Variants in NPRL3 observed in about 807,000 individuals in gnomAD.
NPRL3 encodes GATOR1 complex protein NPRL3.
Under a neutral mutation model 57.2 loss-of-function variants are expected in NPRL3, and 23 were observed. The observed-to-expected ratio is 0.40, with a 90% CI of 0.29 to 0.57. The LOEUF (loss-of-function observed/expected upper bound fraction) is 0.57. NPRL3 is among the 20% of genes least tolerant of loss of function. NPRL3 has a pLI of 0.42. For synonymous variants in NPRL3, 333 were observed against 321.1 expected, an observed-to-expected ratio of 1.04 and a Z score of -0.39; for missense variants, 691 against 767.1, an observed-to-expected ratio of 0.90 and a Z score of 1.17.
At chr16:102,549 C>T (rs1008421749) in intron 7 of NPRL3, among the ~76,000 whole-genome samples, 4 of 152,246 alleles carry the variant, frequency 2.6e-5, no homozygotes, top group African/African-American at 9.6e-5. Flanking sequence ...CTCCCCGCAT[C>T]ATGTTTCCTC....
chr16:111,252 T>C (rs551450443), intron 6 of NPRL3, among the ~76,000 whole-genome samples: 32 of 151,718 alleles, frequency 2.1e-4, no homozygotes, highest in African/African-American at 7.0e-4. Flanking sequence ...TACAAAAAAT[T>C]AGCCGGGCGT....
At chr16:109,916 A>G (rs147115120) in intron 7 of NPRL3, among the ~76,000 whole-genome samples, 1,885 of 152,216 alleles carry the variant, frequency 0.012, 37 homozygotes, top group African/African-American at 0.043. Context: ...CCTTAAACAT[A>G]GGAGAGTGAT....
At chr16:106,390 T>C (rs1899528205) in intron 7 of NPRL3, among the ~76,000 whole-genome samples, 1 of 152,058 alleles carries the variant, frequency 6.6e-6, no homozygotes, top group Admixed American at 6.5e-5. Context: ...CCCAGCACTT[T>C]GGGAGGCTAA....
chr16:116,790 C>CG (rs1156955267), intron 5 of NPRL3, among the ~76,000 whole-genome samples: 1 of 141,426 alleles, frequency 7.1e-6, no homozygotes, highest in African/African-American at 2.6e-5. Flanking sequence ...TGGCGAGACC[C>CG]CCCCCCCCCA....
chr16:124,696 A>C (rs560416057), intron 3 of NPRL3, among the ~76,000 whole-genome samples: 4 of 152,344 alleles, frequency 2.6e-5, no homozygotes, highest in Non-Finnish European at 5.9e-5. Flanking sequence ...GGAGCAATAA[A>C]GTGGTCATGG....
intron 7 of NPRL3, among the ~76,000 whole-genome samples, chr16:100,773 GC>G (rs1899254218): frequency 4.1e-5 from 1 of 24,284 alleles, no homozygotes; most frequent in Non-Finnish European, 7.4e-5. Context: ...TTCGAGACCA[GC>G]CTGGCTAATA....
At chr16:112,560 T>C (rs1899861514) in intron 6 of NPRL3, 62 bp downstream of exon 6, 1 of 1,394,492 alleles carries the variant, frequency 7.2e-7, no homozygotes, top group South Asian at 1.7e-5. Flanking sequence ...CACAGAGGTC[T>C]GCGCTGCAGA....
In NPRL3 at chr16:94,061, C is replaced by T. The variant is rs1468777774; in HGVS notation, c.925-736G>A. Among the ~76,000 whole-genome samples the T allele has an allele frequency of 7.6e-5, 8 of 104,640 alleles. No homozygotes were observed. The South Asian group carries it at 1.5e-3, about 19-fold the overall frequency. The allele number at this position is 104,640 out of a possible 152,430, so 68.6% of individuals were successfully genotyped here. On this transcript the variant is annotated intron_variant, in intron 9 of 13. Transcript: ENST00000611875. ...GCAGGGGCACAGCCCTCTTATACCC[C>T]CTAAAACTCCAGCATGGCCTTGCCC...
chr16:131,922 T>C (rs1471893419), intron 2 of NPRL3, among the ~76,000 whole-genome samples: 1 of 152,204 alleles, frequency 6.6e-6, no homozygotes, highest in Non-Finnish European at 1.5e-5. Context: ...TTATATAATA[T>C]TCGAAATCTC....
rs746686232 is a variant in NPRL3, at chr16:85,541, C to T, written c.*1164G>A. The stretch of plus-strand genomic sequence containing the variant: ...CGAGCTCTGCAGTGGCCCCTCCAAG[C>T]TGTGCCAGGCCCTGGCCATCAACAA... On this transcript the variant is annotated 3_prime_UTR_variant, in exon 14 of 14. Coordinates refer to ENST00000611875, the MANE Select transcript of NPRL3 (RefSeq NM_001077350.3). 1.9e-6 allele frequency: 3 copies of T among 1,613,432 alleles called. No individual in the cohort carries two copies. The highest frequency in any genetic ancestry group is 2.5e-6 in the Non-Finnish European group (3 of 1,180,036).
chr16:88,720 C>T lies in NPRL3; in HGVS notation c.1522G>A (p.Glu508Lys). 1 of 1,612,258 alleles carries T rather than the reference C, an allele frequency of 6.2e-7. No individual in the cohort carries two copies. ...CACCTGGCAAACATGCGGAGGTCCT[C>T]AGGGTTCTGGGCTGCGGGTACACTG... is the stretch of plus-strand genomic sequence containing the variant. ...ILSVPAAQNP[E>K]DLRMFARLLH... Residue 508 changes from glutamate to lysine, a missense_variant, in exon 13 of 14, where the codon GAG becomes AAG. Physicochemically the swap from Glu to Lys is moderately conservative, Grantham distance 56. Coordinates refer to ENST00000611875, the MANE Select transcript of NPRL3 (RefSeq NM_001077350.3).
chr16:97,182 T>A (rs890389389), intron 9 of NPRL3, among the ~76,000 whole-genome samples: 1 of 151,898 alleles, frequency 6.6e-6, no homozygotes. Context: ...CACGCCCACA[T>A]GACTAGCAGC....
intron 11 of NPRL3, 39 bp downstream of exon 11, chr16:92,557 C>G: frequency 6.2e-7 from 1 of 1,604,192 alleles, no homozygotes; most frequent in Non-Finnish European, 8.5e-7. Context: ...ATCCACTACA[C>G]ACCTGCCACT....
chr16:112,613 T>C lies in NPRL3; in HGVS notation c.547+9A>G. The C allele has an allele frequency of 2.6e-6, 4 of 1,565,882 alleles. No individual in the cohort carries two copies. Among genetic ancestry groups the C allele is most frequent in the Non-Finnish European group, 3.5e-6 (4 of 1,152,186 alleles). On this transcript the variant is annotated intron_variant, in intron 6 of 13. Coordinates refer to ENST00000611875, the MANE Select transcript of NPRL3 (RefSeq NM_001077350.3). ...CAGACCCATGCCCATCACGCCCTGC[T>C]GCACTCACCATCAGCCATGGCGGAC...
chr16:121,816 C>G (rs965484583), intron 3 of NPRL3, among the ~76,000 whole-genome samples: 3 of 152,082 alleles, frequency 2.0e-5, no homozygotes, highest in Non-Finnish European at 4.4e-5. Flanking sequence ...CTCTTGTCCC[C>G]CAGGCTGGAG....
At position 97,867 on chromosome 16, in the gene NPRL3, C is replaced by G. The variant is rs74975720; in HGVS notation, c.924+278G>C. Among the ~76,000 whole-genome samples, 5,674 of 152,252 alleles carry G rather than the reference C, an allele frequency of 0.037. 346 individuals carry two copies. Among genetic ancestry groups the G allele is most frequent in the African/African-American group, 0.13 (5,239 of 41,518 alleles). On this transcript the variant is annotated intron_variant, in intron 9 of 13. Transcript: ENST00000611875. ...TCTGGTGCCTCAACCTCCAGGACTG[C>G]AAGCACCCCAGTCCTTTCTCTCACA...
chr16:123,026 C>T (rs758303403), intron 3 of NPRL3, among the ~76,000 whole-genome samples: 1 of 152,242 alleles, frequency 6.6e-6, no homozygotes, highest in Non-Finnish European at 1.5e-5. Flanking sequence ...ATTAAGCACA[C>T]TCAATAGCAT....
intron 5 of NPRL3, 21 bp from the exon 6 acceptor site, chr16:112,796 A>G: frequency 6.4e-7 from 1 of 1,563,776 alleles, no homozygotes; most frequent in African/African-American, 1.3e-5. Context: ...GAGACCATAC[A>G]CAGACTCAAA....
At chr16:117,192 C>A in intron 5 of NPRL3, 109 bp downstream of exon 5, 1 of 731,390 alleles carries the variant, frequency 1.4e-6, no homozygotes, top group South Asian at 1.8e-5. Flanking sequence ...CAGGAGGGGC[C>A]AGCCCGCTGC....
Sources: gnomAD v4.1 joint callset for allele counts (sites outside exome capture counted in the v4.1 genomes callset) on GRCh38, gnomAD v4.1.1 for gene constraint, MANE v1.5 for transcripts, NCBI Gene and HGNC (gene_info 2026-07-23, HGNC 2026-07-21) for gene names.